Variants in EPHB4 observed in about 807,000 individuals in gnomAD.
EPHB4 encodes the protein EPH receptor B4.
A neutral mutation model predicts 110.6 loss-of-function variants in EPHB4; 50 were observed. The ratio of observed to expected loss-of-function variants is 0.45; its 90% confidence interval spans 0.36 to 0.57. The LOEUF (loss-of-function observed/expected upper bound fraction) is 0.57. Among genes scored for constraint, EPHB4 ranks in the 20% least tolerant of loss-of-function variants. The probability of loss-of-function intolerance (pLI) is 0.00; values close to 1 mark genes in which losing one functional copy is unlikely to be tolerated. For synonymous variants in EPHB4, 592 were observed against 578.4 expected (o/e 1.02, Z -0.34); for missense variants, 1,128 against 1,382.1 (o/e 0.82, Z 2.91).
intron 1 of EPHB4, chr7:100,825,233 G>C (rs1813347897): frequency 1.3e-5 from 2 of 152,174 alleles, no homozygotes. Context: ...ACCAAATGAT[G>C]TCCTCCAGCT....
At chr7:100,807,724 C>G in intron 12 of EPHB4, 144 bp from the exon 13 acceptor site, 1 of 771,964 alleles carries the variant, frequency 1.3e-6, no homozygotes, top group Non-Finnish European at 2.0e-6. Flanking sequence ...TCACTGCAGC[C>G]TCAACCTCCT....
At chr7:100,820,567 G>C in intron 4 of EPHB4, 1 of 291,430 alleles carries the variant, frequency 3.4e-6, no homozygotes, top group East Asian at 6.2e-5. Flanking sequence ...GAGGAGAAAG[G>C]AGACTCTCTC....
rs531020495 is a variant in EPHB4, at chr7:100,819,176, G to A, written c.1297+381C>T. 7.2e-5 allele frequency among the ~76,000 whole-genome samples: 11 copies of A among 152,080 alleles called. No individual in the cohort carries two copies. The East Asian group carries it at 9.7e-4, about 13-fold the overall frequency. On this transcript the variant is annotated intron_variant, in intron 6 of 16. Transcript: ENST00000358173. ...CACCCAGGCTGGCATGCAGCGGTGC[G>A]ATCATAGCTCACTGCAGCCTCCGAC...
chr7:100,805,730 C>G (rs774410335), intron 14 of EPHB4, 36 bp from the exon 15 acceptor site: 2 of 1,396,894 alleles, frequency 1.4e-6, no homozygotes, highest in East Asian at 2.7e-5. Context: ...GTGAGGCTGT[C>G]CAGGAAAAGC....
intron 7 of EPHB4, among the ~76,000 whole-genome samples, chr7:100,818,045 T>A (rs937159523): frequency 6.6e-6 from 1 of 151,400 alleles, no homozygotes; most frequent in Non-Finnish European, 1.5e-5. Context: ...TTTTTGTATT[T>A]TTAGTAGAGA....
Position 100,806,450 on chromosome 7 carries a change from C to G in EPHB4, c.2454G>C (p.Glu818Asp). The G allele has an allele frequency of 6.2e-7, 1 of 1,614,072 alleles. No individual in the cohort carries two copies. The highest frequency in any genetic ancestry group is 8.5e-7 in the Non-Finnish European group (1 of 1,179,974). The change falls in exon 14 of 17, where the codon GAG becomes GAC. Residue 818 changes from glutamate to aspartate, a missense_variant. Around this residue, in one of 3 missense-constraint regions of EPHB4, gnomAD observed 209 missense variants for 240.5 expected, o/e 0.87. Transcript: ENST00000358173. ...IVMWEVMSFG[E>D]RPYWDMSNQD... The stretch of plus-strand genomic sequence containing the variant: ...GATTGCTCATGTCCCAGTACGGCCT[C>G]TCCCCAAATGACATCACCTCCCACA...
At chr7:100,806,805 G>A (rs1332385610) in intron 13 of EPHB4, among the ~76,000 whole-genome samples, 4 of 152,080 alleles carry the variant, frequency 2.6e-5, no homozygotes. Context: ...TGAGTAGCTC[G>A]GATTACAGGC....
intron 16 of EPHB4, among the ~76,000 whole-genome samples, chr7:100,804,964 G>C (rs929089491): frequency 6.6e-6 from 1 of 152,224 alleles, no homozygotes; most frequent in African/African-American, 2.4e-5. Context: ...AGGCGGGCAG[G>C]CTGGCCCCAA....
chr7:100,825,397 G>A (rs534245492), intron 1 of EPHB4: 1 of 152,180 alleles, frequency 6.6e-6, no homozygotes, highest in Non-Finnish European at 1.5e-5. Context: ...GTTCCAGCCG[G>A]GATAGTGTTT....
intron 13 of EPHB4, among the ~76,000 whole-genome samples, 198 bp from the exon 14 acceptor site, chr7:100,806,767 T>A (rs1399948016): frequency 6.6e-6 from 1 of 151,920 alleles, no homozygotes; most frequent in Non-Finnish European, 1.5e-5. Context: ...GCCTCCCGGG[T>A]TCAACTGGTT....
At chr7:100,806,670 C>T (rs1812824442) in intron 13 of EPHB4, 101 bp from the exon 14 acceptor site, 1 of 1,394,168 alleles carries the variant, frequency 7.2e-7, no homozygotes, top group Non-Finnish European at 9.6e-7. Flanking sequence ...GCTTTTTCCC[C>T]CTAGCTCAGG....
At position 100,811,550 on chromosome 7, in the gene EPHB4, A is replaced by G. The variant is rs748144811; in HGVS notation, c.2118+1197T>C. Among the ~76,000 whole-genome samples, 84 of 152,046 alleles carry G rather than the reference A, an allele frequency of 5.5e-4. 1 individual carries two copies. Among genetic ancestry groups the G allele is most frequent in the Non-Finnish European group, 1.2e-4 (8 of 67,970 alleles). ...ACTGGGAGGATGACCGGTGCGTAGAAAGCACTCAGTAAATATTTGTCAAAA... is the reference window on the plus strand; with the variant it reads ...ACTGGGAGGATGACCGGTGCGTAGAGAGCACTCAGTAAATATTTGTCAAAA... On this transcript the variant is annotated intron_variant, in intron 12 of 16. Transcript: ENST00000358173.
intron 12 of EPHB4, among the ~76,000 whole-genome samples, chr7:100,809,192 T>C (rs2116422955): frequency 6.6e-6 from 1 of 152,230 alleles, no homozygotes; most frequent in East Asian, 1.9e-4. Context: ...CTGCAACCTC[T>C]GCCTCCTGAG....
At chr7:100,826,653 A>G (rs1279469892) in intron 1 of EPHB4, among the ~76,000 whole-genome samples, 1 of 151,936 alleles carries the variant, frequency 6.6e-6, no homozygotes, top group African/African-American at 2.4e-5. Context: ...AACTTTGCAG[A>G]TAGTTTTGAA....
intron 1 of EPHB4, 84 bp downstream of exon 1, chr7:100,826,895 C>A: frequency 6.8e-7 from 1 of 1,472,276 alleles, no homozygotes; most frequent in Non-Finnish European, 9.2e-7. Flanking sequence ...TAGTCAGAGG[C>A]CGGCCCCTCC....
rs763519830 is a variant in EPHB4 at position 100,807,514 on chromosome 7, G to A, written c.2185C>T (p.Arg729Trp). ...ACGTAGCTCATCTCGGCAAGGTACC[G>A]CATGCCCGAGGCGATGCCCCGCAGC... ...GMLRGIASGMRYLAEMSYVHR... is the reference protein window; with the variant it reads ...GMLRGIASGMWYLAEMSYVHR... The change falls in exon 13 of 17, where the codon CGG becomes TGG. Residue 729 changes from arginine to tryptophan, a missense_variant. Transcript: ENST00000358173. The A allele has an allele frequency of 2.5e-6, 4 of 1,614,094 alleles. No individual in the cohort carries two copies. The highest frequency in any genetic ancestry group is 2.5e-6 in the Non-Finnish European group (3 of 1,180,018).
In EPHB4 at chr7:100,805,324, A is replaced by AG; in HGVS notation, c.2679-4dup. The AG allele has an allele frequency of 3.1e-6, 5 of 1,613,782 alleles. No homozygotes were observed. Among genetic ancestry groups the AG allele is most frequent in the Non-Finnish European group, 4.2e-6 (5 of 1,179,880 alleles). On this transcript the variant is annotated splice_region_variant and splice_polypyrimidine_tract_variant and intron_variant, in intron 15 of 16. Transcript: ENST00000358173. ...GGTCCAGGAGAGGGTGTGAGGCCCT[A>AG]GGGGGCAAGGATGGGGAGGAATGCT... is the stretch of plus-strand genomic sequence containing the variant.
At chr7:100,812,698 G>T (rs1032835278) in intron 12 of EPHB4, 49 bp downstream of exon 12, 1 of 1,582,858 alleles carries the variant, frequency 6.3e-7, no homozygotes, top group Admixed American at 1.7e-5. Context: ...TGGCCTCTGG[G>T]TGTAAGTGGG....
At position 100,819,600 on chromosome 7, in the gene EPHB4, C is replaced by T. The variant is rs55843039; in HGVS notation, c.1254G>A (p.Gly418=). The part of the protein sequence containing the change: ...ALNGVSSLAT[G]PVPFEPVNVT... ...CATTGACAGGCTCAAATGGGACGGG[C>T]CCCGTGGCTAAGGAGGATACCCCGT... The change falls in exon 6 of 17, where the codon GGG becomes GGA. Residue 418 remains glycine (G), a synonymous_variant. Transcript: ENST00000358173. 65 of 1,592,262 alleles carry T rather than the reference C, an allele frequency of 4.1e-5. No homozygotes were observed. The highest frequency in any genetic ancestry group is 2.1e-4 in the South Asian group (19 of 89,618).
Sources: gnomAD v4.1 joint callset for allele counts (sites outside exome capture counted in the v4.1 genomes callset) on GRCh38, gnomAD v4.1.1 for gene constraint, gnomAD v4.1.1 regional missense constraint, MANE v1.5 for transcripts, NCBI Gene and HGNC (gene_info 2026-07-23, HGNC 2026-07-21) for gene names.